The following CIDEA variants were observed in gnomAD, a reference collection of about 807,000 sequenced individuals.
CIDEA encodes cell death inducing DFFA like effector a.
Under a neutral mutation model 18.2 loss-of-function variants are expected in CIDEA, and 10 were observed. The observed-to-expected ratio is 0.55, with a 90% CI of 0.34 to 0.93. The LOEUF (loss-of-function observed/expected upper bound fraction) is 0.93, where lower values mean the gene tolerates loss of function less well. CIDEA is among the 40% of genes least tolerant of loss of function. The pLI is 0.02. For synonymous variants in CIDEA, 128 were observed against 124.8 expected, an observed-to-expected ratio of 1.03 and a Z score of -0.17; for missense variants, 309 against 293.1, an observed-to-expected ratio of 1.05 and a Z score of -0.40.
chr18:12,256,846 A>C (rs1028018201), intron 1 of CIDEA, among the ~76,000 whole-genome samples: 2 of 152,210 alleles, frequency 1.3e-5, no homozygotes, highest in African/African-American at 4.8e-5. Flanking sequence ...CAAAGACTTC[A>C]TGGTCATGTA....
At chr18:12,266,873 G>A (rs914008256) in intron 3 of CIDEA, among the ~76,000 whole-genome samples, 1 of 150,726 alleles carries the variant, frequency 6.6e-6, no homozygotes, top group Non-Finnish European at 1.5e-5. Context: ...TGATTCTTCT[G>A]CCTCAGCCTC....
intron 4 of CIDEA, among the ~76,000 whole-genome samples, chr18:12,276,165 T>G (rs1905327356): frequency 6.6e-6 from 1 of 151,970 alleles, no homozygotes; most frequent in Non-Finnish European, 1.5e-5. Context: ...AGCTAACTTT[T>G]GTATTTTTAA....
At chr18:12,269,968 G>C (rs1416813909) in intron 3 of CIDEA, among the ~76,000 whole-genome samples, 3 of 152,154 alleles carry the variant, frequency 2.0e-5, no homozygotes, top group Non-Finnish European at 4.4e-5. Context: ...AAAATGTTGG[G>C]ATTACGGGCA....
chr18:12,275,228 CAGG>C (rs1202984416), intron 4 of CIDEA, among the ~76,000 whole-genome samples: 1 of 152,180 alleles, frequency 6.6e-6, no homozygotes, highest in African/African-American at 2.4e-5. Context: ...GAGGCTGAGG[CAGG>C]AGAATTGTTT....
intron 3 of CIDEA, among the ~76,000 whole-genome samples, chr18:12,269,359 A>G (rs1912448249): frequency 6.6e-6 from 1 of 152,228 alleles, no homozygotes; most frequent in African/African-American, 2.4e-5. Flanking sequence ...TAGCCTATTC[A>G]GATAACTGAG....
chr18:12,271,338 G>A (rs911095017), intron 3 of CIDEA, among the ~76,000 whole-genome samples: 9 of 152,206 alleles, frequency 5.9e-5, no homozygotes, highest in African/African-American at 2.2e-4. Context: ...AGGGAGGCAG[G>A]TGAGCATGAA....
intron 1 of CIDEA, among the ~76,000 whole-genome samples, chr18:12,256,318 T>A (rs987347959): frequency 1.5e-4 from 23 of 152,240 alleles, no homozygotes; most frequent in Non-Finnish European, 3.2e-4. Context: ...GATGTCATAA[T>A]TCTGTCTTTA....
intron 1 of CIDEA, among the ~76,000 whole-genome samples, chr18:12,258,019 C>A (rs542796501): frequency 6.6e-6 from 1 of 152,264 alleles, no homozygotes; most frequent in Admixed American, 6.5e-5. Context: ...ACATATGAGA[C>A]AGCCTTGATT....
intron 1 of CIDEA, among the ~76,000 whole-genome samples, chr18:12,258,134 G>A (rs879695156): frequency 5.9e-5 from 9 of 152,172 alleles, no homozygotes; most frequent in South Asian, 2.1e-4. Flanking sequence ...CAGCAGTGAC[G>A]CAGCTCTTGG....
At chr18:12,270,025 G>A (rs555782140) in intron 3 of CIDEA, among the ~76,000 whole-genome samples, 23 of 152,246 alleles carry the variant, frequency 1.5e-4, no homozygotes, top group Middle Eastern at 6.8e-3. Context: ...TCCCTTAATA[G>A]GGCCTCAGGA....
At chr18:12,264,798 C>A (rs934294807) in intron 3 of CIDEA, among the ~76,000 whole-genome samples, 34 of 152,164 alleles carry the variant, frequency 2.2e-4, no homozygotes, top group Non-Finnish European at 4.7e-4. Context: ...CGCGATCCGC[C>A]CGCCTCTGCC....
intron 1 of CIDEA, 140 bp downstream of exon 1, chr18:12,254,561 AC>A: frequency 1.3e-6 from 1 of 768,884 alleles, no homozygotes; most frequent in South Asian, 2.3e-5. Flanking sequence ...GCGCTCCGCG[AC>A]CCCGCGCACA....
intron 3 of CIDEA, among the ~76,000 whole-genome samples, chr18:12,269,975 G>C (rs897500462): frequency 2.0e-5 from 3 of 152,072 alleles, no homozygotes; most frequent in African/African-American, 7.2e-5. Context: ...TGGGATTACG[G>C]GCATAAGCCA....
At chr18:12,269,857 C>G (rs1220647653) in intron 3 of CIDEA, among the ~76,000 whole-genome samples, 1 of 152,032 alleles carries the variant, frequency 6.6e-6, no homozygotes, top group African/African-American at 2.4e-5. Flanking sequence ...GTCACCACAC[C>G]CAGCTAAATG....
intron 1 of CIDEA, among the ~76,000 whole-genome samples, chr18:12,259,348 T>C (rs1321817602): frequency 6.6e-6 from 1 of 152,216 alleles, no homozygotes; most frequent in Non-Finnish European, 1.5e-5. Context: ...TAGATAGATG[T>C]TTATTGCTTG....
chr18:12,267,803 T>C (rs1000099055), intron 3 of CIDEA, among the ~76,000 whole-genome samples: 7 of 152,012 alleles, frequency 4.6e-5, no homozygotes, highest in African/African-American at 1.7e-4. Context: ...CTTGTATCAA[T>C]AAATTCTATA....
intron 3 of CIDEA, among the ~76,000 whole-genome samples, chr18:12,272,544 C>T (rs769127637): frequency 9.2e-5 from 14 of 151,954 alleles, no homozygotes; most frequent in Non-Finnish European, 1.9e-4. Flanking sequence ...GACGGGGTTT[C>T]GCCATGTTGA....
chr18:12,266,753 G>A (rs1164502481), intron 3 of CIDEA, among the ~76,000 whole-genome samples: 5 of 146,372 alleles, frequency 3.4e-5, no homozygotes, highest in Non-Finnish European at 4.5e-5. Context: ...AAGATACAAT[G>A]CACAAGTCAT....
At chr18:12,259,814 T>A (rs1173870221) in intron 1 of CIDEA, among the ~76,000 whole-genome samples, 1 of 152,190 alleles carries the variant, frequency 6.6e-6, no homozygotes, top group Non-Finnish European at 1.5e-5. Flanking sequence ...TGAGCCCAGA[T>A]GGCATCACTG....
Sources: allele counts gnomAD v4.1 joint callset (sites outside exome capture counted in the v4.1 genomes callset), GRCh38; gene constraint gnomAD v4.1.1; transcripts MANE v1.5; gene names NCBI Gene and HGNC (gene_info 2026-07-23, HGNC 2026-07-21).